PRKAG2: variants seen among roughly 807,000 people sequenced by gnomAD.
PRKAG2 encodes protein kinase AMP-activated non-catalytic subunit gamma 2, also known as 5'-AMP-activated protein kinase subunit gamma-2.
Under a neutral mutation model 69.6 loss-of-function variants are expected in PRKAG2, and 26 were observed. The observed-to-expected ratio is 0.37, with a 90% confidence interval of 0.27 to 0.52. The LOEUF (loss-of-function observed/expected upper bound fraction) is 0.52. Ranked by LOEUF, PRKAG2 falls within the 20% of genes least tolerant of loss-of-function variation. PRKAG2 has a pLI of 0.90. For synonymous variants in PRKAG2, 293 were observed against 285.0 expected, an observed-to-expected ratio of 1.03 and a Z score of -0.28; for missense variants, 557 against 740.0, an observed-to-expected ratio of 0.75 and a Z score of 2.87.
At chr7:151,599,226 C>T (rs1002388157) in intron 5 of PRKAG2, among the ~76,000 whole-genome samples, 1 of 152,102 alleles carries the variant, frequency 6.6e-6, no homozygotes, top group Non-Finnish European at 1.5e-5. Flanking sequence ...GAAAAGGCAA[C>T]ACCGTCCAAC....
chr7:151,685,579 G>A (rs1026213523), intron 3 of PRKAG2, among the ~76,000 whole-genome samples: 5 of 151,958 alleles, frequency 3.3e-5, no homozygotes, highest in African/African-American at 4.8e-5. Flanking sequence ...GATCAGCCTG[G>A]GCAACATAGT....
intron 1 of PRKAG2, among the ~76,000 whole-genome samples, chr7:151,858,127 A>G (rs1178142128): frequency 2.6e-5 from 4 of 152,164 alleles, no homozygotes; most frequent in Admixed American, 2.6e-4. Flanking sequence ...ACATCCACCA[A>G]TGATTGTCCC....
chr7:151,831,971 C>T (rs1053527989), intron 1 of PRKAG2, among the ~76,000 whole-genome samples: 1 of 152,148 alleles, frequency 6.6e-6, no homozygotes, highest in Admixed American at 6.5e-5. Context: ...AGAACAAACT[C>T]ACACACTGGG....
chr7:151,705,863 C>A lies in PRKAG2; in HGVS notation c.467-30226G>T, dbSNP rs77593949. ...CCTTCTTAGCCGATCTCATCTCACC[C>A]GCTGCGTTTTATTTGACATTCCTAC... On this transcript the variant is annotated intron_variant, in intron 3 of 15. Coordinates refer to ENST00000287878, the MANE Select transcript of PRKAG2 (RefSeq NM_016203.4). Among the ~76,000 whole-genome samples the A allele has an allele frequency of 1.8e-3, 269 of 152,218 alleles. 5 individuals carry two copies. In the East Asian group the frequency reaches 0.049, roughly 28 times the overall value.
chr7:151,595,143 C>T (rs1214276405), intron 6 of PRKAG2, among the ~76,000 whole-genome samples: 1 of 152,146 alleles, frequency 6.6e-6, no homozygotes, highest in African/African-American at 2.4e-5. Context: ...TTGAGCTTCC[C>T]TGTCTTTAGG....
chr7:151,857,448 A>G (rs1430574633), intron 1 of PRKAG2, among the ~76,000 whole-genome samples: 1 of 150,838 alleles, frequency 6.6e-6, no homozygotes, highest in Non-Finnish European at 1.5e-5. Flanking sequence ...TAGTCAGCCT[A>G]TAAAAATGGT....
chr7:151,848,449 A>C lies in PRKAG2; in HGVS notation c.114+28058T>G, dbSNP rs571995371. ...CTGGAAATAAATTTCTATTCTTCAG[A>C]AATCACCCAGTCTCGGGTATTTTGT... On this transcript the variant is annotated intron_variant, in intron 1 of 15. Transcript: ENST00000287878. Among the ~76,000 whole-genome samples the C allele has an allele frequency of 4.0e-5, 6 of 151,412 alleles. No individual in the cohort carries two copies. In the South Asian group the frequency reaches 1.3e-3, roughly 32 times the overall value.
At chr7:151,806,910 G>A (rs2151846128) in intron 1 of PRKAG2, 1 of 441,920 alleles carries the variant, frequency 2.3e-6, no homozygotes, top group South Asian at 1.6e-5. Flanking sequence ...AGGTTGAAGT[G>A]AGCCAAGATC....
intron 1 of PRKAG2, chr7:151,806,952 A>G (rs553926917): frequency 2.2e-6 from 1 of 453,368 alleles, no homozygotes; most frequent in African/African-American, 2.0e-5. Flanking sequence ...GGGAAAAAAA[A>G]AAGCCAGGCC....
chr7:151,728,801 C>T (rs1332342064), intron 3 of PRKAG2, among the ~76,000 whole-genome samples: 2 of 152,168 alleles, frequency 1.3e-5, no homozygotes, highest in Non-Finnish European at 2.9e-5. Flanking sequence ...AGAGCACGCA[C>T]CTCGCTGACA....
At position 151,836,999 on chromosome 7, in the gene PRKAG2, A is replaced by T. The variant is rs575236271; in HGVS notation, c.114+39508T>A. On this transcript the variant is annotated intron_variant, in intron 1 of 15. Transcript: ENST00000287878. This position sits in a 1 kb window ranked among gnomAD's most constrained non-coding sequence, Gnocchi z 4.1. The stretch of plus-strand genomic sequence containing the variant: ...ATTTGAGGCTATTTGTTTAAATTCA[A>T]CTTGAACCCCGGTTACCTCCAGCTC... 1.3e-5 allele frequency among the ~76,000 whole-genome samples: 2 copies of T among 151,928 alleles called. No individual in the cohort carries two copies. Among genetic ancestry groups the T allele is most frequent in the East Asian group, 1.9e-4 (1 of 5,138 alleles).
At position 151,800,357 on chromosome 7, in the gene PRKAG2, CA is replaced by C. The variant is rs398048179; in HGVS notation, c.115-13817del. Among the ~76,000 whole-genome samples, 809 of 104,166 alleles carry C rather than the reference CA, an allele frequency of 7.8e-3. 3 individuals are homozygous for C. The highest frequency in any genetic ancestry group is 0.023 in the African/African-American group (633 of 27,196). The allele number at this position is 104,166 out of a possible 152,430, so 68.3% of individuals were successfully genotyped here. A position where few individuals can be genotyped will look rare whatever the true frequency, so the allele number is the denominator to read the frequency against. On this transcript the variant is annotated intron_variant, in intron 1 of 15. Transcript: ENST00000287878. ...TGGGCGACAGAGCGAGACTCTGTCT[CA>C]AAAAAAAAAAAAAAAAGAAAGTCGC... is the stretch of plus-strand genomic sequence containing the variant.
At chr7:151,710,608 G>A (rs1302185646) in intron 3 of PRKAG2, among the ~76,000 whole-genome samples, 2 of 152,198 alleles carry the variant, frequency 1.3e-5, no homozygotes, top group African/African-American at 2.4e-5. Flanking sequence ...CTCCCAGGGC[G>A]CAGCCACCCA....
chr7:151,648,521 G>T (rs1313416750), intron 4 of PRKAG2, among the ~76,000 whole-genome samples: 1 of 152,114 alleles, frequency 6.6e-6, no homozygotes, highest in Non-Finnish European at 1.5e-5. Flanking sequence ...CTTCTCAAAG[G>T]GTGAAAGGGA....
At position 151,565,761 on chromosome 7, in the gene PRKAG2, A is replaced by G. The variant is rs757930384; in HGVS notation, c.1358T>C (p.Val453Ala). The G allele has an allele frequency of 6.2e-7, 1 of 1,613,954 alleles. No individual in the cohort carries two copies. Among genetic ancestry groups the G allele is most frequent in the Non-Finnish European group, 8.5e-7 (1 of 1,179,804 alleles). Residue 453 changes from valine to alanine, a missense_variant, in exon 12 of 16, where the codon GTG (valine) becomes GCG (alanine). By Grantham distance (64) the Val-to-Ala change is moderately conservative. Around this residue, in one of 2 missense-constraint regions of PRKAG2, gnomAD observed 205 missense variants for 383.4 expected, o/e 0.53. Transcript: ENST00000287878. ...AGGCAGAGCTGATATTCGTCTTTCC[A>G]CAAATATGTTCAAGGCTTTGATGAT... ...TPIIKALNIF[V>A]ERRISALPVV... is the part of the protein sequence containing the mutation.
At chr7:151,587,762 C>A (rs547297495) in intron 6 of PRKAG2, among the ~76,000 whole-genome samples, 33 of 152,292 alleles carry the variant, frequency 2.2e-4, no homozygotes, top group African/African-American at 7.5e-4. Context: ...CCTAAGGAGG[C>A]ATGATGACGA....
At chr7:151,725,337 C>A (rs1342360254) in intron 3 of PRKAG2, among the ~76,000 whole-genome samples, 1 of 152,038 alleles carries the variant, frequency 6.6e-6, no homozygotes, top group African/African-American at 2.4e-5. Flanking sequence ...CTGGAGTCAT[C>A]AATGCATAGA....
In PRKAG2 at chr7:151,567,416, G is replaced by T. The variant is rs568866004; in HGVS notation, c.1233+1300C>A. Among the ~76,000 whole-genome samples, 2 of 152,078 alleles carry T rather than the reference G, an allele frequency of 1.3e-5. No homozygotes were observed. The highest frequency in any genetic ancestry group is 4.8e-5 in the African/African-American group (2 of 41,414). On this transcript the variant is annotated intron_variant, in intron 11 of 15. Coordinates refer to ENST00000287878, the MANE Select transcript of PRKAG2 (RefSeq NM_016203.4). The surrounding 1 kb of genome is among the most constrained non-coding windows in gnomAD (Gnocchi z 4.2). ...TATGTCAAGTGCTTAGAACAGTGCCGGACATACAGTAATCAGCTCTCATGA... is the reference window on the plus strand; with the variant it reads ...TATGTCAAGTGCTTAGAACAGTGCCTGACATACAGTAATCAGCTCTCATGA...
intron 3 of PRKAG2, among the ~76,000 whole-genome samples, chr7:151,694,274 C>T (rs893389460): frequency 6.6e-6 from 1 of 152,202 alleles, no homozygotes; most frequent in African/African-American, 2.4e-5. Context: ...CCAAACAGTC[C>T]ACTCTTTTTA....
Sources: gnomAD v4.1 joint callset for allele counts (sites outside exome capture counted in the v4.1 genomes callset) on GRCh38, gnomAD v4.1.1 for gene constraint, gnomAD v4.1.1 regional missense constraint, Gnocchi (gnomAD v3.1) non-coding constraint, MANE v1.5 for transcripts, NCBI Gene and HGNC (gene_info 2026-07-23, HGNC 2026-07-21) for gene names.